Variants in DNAH14 observed in about 807,000 individuals in gnomAD.
DNAH14 encodes the protein dynein axonemal heavy chain 14.
In DNAH14, 478 loss-of-function variants were observed where a neutral mutation model predicts 520.9. The ratio of observed to expected loss-of-function variants is 0.92; its 90% CI spans 0.85 to 0.99. The LOEUF is 0.99. DNAH14 is among the 50% of genes least tolerant of loss of function. The pLI, the probability that DNAH14 is intolerant of heterozygous loss-of-function variation, is 0.00. For missense variants in DNAH14, 4,831 were observed against 5,234.5 expected, an observed-to-expected ratio of 0.92 and a Z score of 2.38; for synonymous variants, 1,581 against 1,757.2, an observed-to-expected ratio of 0.90 and a Z score of 2.51.
chr1:224,962,165 CCT>C (rs2060886139), intron 4 of DNAH14, among the ~76,000 whole-genome samples: 3 of 150,824 alleles, frequency 2.0e-5, no homozygotes, highest in Admixed American at 6.8e-5. Context: ...CTCCAGTATT[CCT>C]ACCCTCTGGT....
intron 68 of DNAH14, 138 bp from the exon 69 acceptor site, chr1:225,340,319 G>A: frequency 1.2e-6 from 1 of 852,398 alleles, no homozygotes; most frequent in African/African-American, 1.7e-5. Context: ...AATTGAAAGT[G>A]TACTTTGTAT....
chr1:225,016,005 T>C (rs2065189319), intron 10 of DNAH14, among the ~76,000 whole-genome samples: 1 of 152,210 alleles, frequency 6.6e-6, no homozygotes, highest in African/African-American at 2.4e-5. Flanking sequence ...ATGAATTTTT[T>C]GGCATGATGT....
At chr1:225,215,336 A>G (rs967603813) in intron 41 of DNAH14, among the ~76,000 whole-genome samples, 2 of 152,110 alleles carry the variant, frequency 1.3e-5, no homozygotes, top group Non-Finnish European at 1.5e-5. Flanking sequence ...ACTATGTGGT[A>G]AATTTTGGAA....
intron 1 of DNAH14, among the ~76,000 whole-genome samples, chr1:224,939,699 T>C (rs2059282930): frequency 6.6e-6 from 1 of 151,870 alleles, no homozygotes; most frequent in Non-Finnish European, 1.5e-5. Context: ...CAAAAAAAAC[T>C]AATCAAAAAA....
chr1:225,103,653 T>C (rs1221997792), intron 23 of DNAH14, among the ~76,000 whole-genome samples: 4 of 152,184 alleles, frequency 2.6e-5, no homozygotes, highest in South Asian at 2.1e-4. Flanking sequence ...TTTGAAGCAA[T>C]TGTGAATGGG....
In DNAH14 at chr1:225,288,279, T is replaced by G. The variant is rs575160592; in HGVS notation, c.8272-1606T>G. Among the ~76,000 whole-genome samples the G allele has an allele frequency of 1.1e-4, 17 of 152,188 alleles. No individual in the cohort carries two copies. The East Asian group carries it at 3.3e-3, about 29-fold the overall frequency. On this transcript the variant is annotated intron_variant, in intron 54 of 85. Coordinates refer to ENST00000682510, the MANE Select transcript of DNAH14 (RefSeq NM_001367479.1). ...GCAGGAAAATCCTAGTTAAGTGACATTCCATAAAATACCTGATCAGAACCC... is the reference window on the plus strand; with the variant it reads ...GCAGGAAAATCCTAGTTAAGTGACAGTCCATAAAATACCTGATCAGAACCC...
chr1:225,255,024 C>G (rs2092688902), intron 44 of DNAH14, among the ~76,000 whole-genome samples: 2 of 152,180 alleles, frequency 1.3e-5, no homozygotes, highest in African/African-American at 4.8e-5. Context: ...GCTCTCTCTT[C>G]TGGAATCCGT....
chr1:225,299,989 T>A (rs1000292573), intron 55 of DNAH14, among the ~76,000 whole-genome samples: 2 of 152,178 alleles, frequency 1.3e-5, no homozygotes, highest in African/African-American at 2.4e-5. Flanking sequence ...CCTACTTTTT[T>A]AAATGCTTTT....
At chr1:225,150,205 T>C (rs2080350239) in intron 31 of DNAH14, among the ~76,000 whole-genome samples, 1 of 152,238 alleles carries the variant, frequency 6.6e-6, no homozygotes, top group South Asian at 2.1e-4. Context: ...TTTATTGATT[T>C]GCATATATTG....
Position 225,322,797 on chromosome 1 carries a change from C to A in DNAH14, c.9469C>A (p.Leu3157Ile). ...TGGTTTCCTGAAAAAATTGATTAACCTTGACAAGGACAGCATACCTGATAA... is the reference window on the plus strand; with the variant it reads ...TGGTTTCCTGAAAAAATTGATTAACATTGACAAGGACAGCATACCTGATAA... The part of the protein sequence containing the change: ...ETGFLKKLIN[L>I]DKDSIPDKVF... The change falls in exon 62 of 86, where the codon CTT (leucine) becomes ATT (isoleucine). Residue 3157 changes from leucine to isoleucine, a missense_variant. Physicochemically the swap from Leu to Ile is conservative, Grantham distance 5. Transcript: ENST00000682510. The A allele has an allele frequency of 6.4e-7, 1 of 1,551,758 alleles. No homozygotes were observed. The highest frequency in any genetic ancestry group is 8.7e-7 in the Non-Finnish European group (1 of 1,146,890).
intron 17 of DNAH14, among the ~76,000 whole-genome samples, chr1:225,075,898 CT>C (rs1368104005): frequency 6.6e-6 from 1 of 152,036 alleles, no homozygotes; most frequent in Non-Finnish European, 1.5e-5. Context: ...TGGGAAAGCC[CT>C]TTACTAGTCA....
intron 1 of DNAH14, among the ~76,000 whole-genome samples, chr1:224,940,678 C>A (rs1309457616): frequency 2.6e-5 from 4 of 151,810 alleles, no homozygotes; most frequent in African/African-American, 7.3e-5. Flanking sequence ...CCCTTCCCCC[C>A]ACCCCACAAC....
At chr1:225,058,648 G>T (rs1023168849) in intron 17 of DNAH14, among the ~76,000 whole-genome samples, 11 of 152,106 alleles carry the variant, frequency 7.2e-5, no homozygotes, top group African/African-American at 2.7e-4. Context: ...GATCTTTCCT[G>T]CTTTCTCTTG....
At chr1:225,161,573 G>T (rs960878471) in intron 35 of DNAH14, among the ~76,000 whole-genome samples, 2 of 152,064 alleles carry the variant, frequency 1.3e-5, no homozygotes, top group Admixed American at 1.3e-4. Flanking sequence ...TTAGTTTTTT[G>T]ACCAACCTCC....
intron 21 of DNAH14, among the ~76,000 whole-genome samples, chr1:225,086,204 C>T (rs1223322316): frequency 6.6e-6 from 1 of 151,900 alleles, no homozygotes; most frequent in African/African-American, 2.4e-5. Context: ...GCTGTCTCGG[C>T]TCACTGCAAG....
chr1:225,389,254 T>C (rs769781514), intron 82 of DNAH14, among the ~76,000 whole-genome samples: 1 of 152,176 alleles, frequency 6.6e-6, no homozygotes, highest in Non-Finnish European at 1.5e-5. Context: ...ATTTTAGAGA[T>C]GAGGAAACTG....
At position 225,058,789 on chromosome 1, in the gene DNAH14, C is replaced by T. The variant is rs1323848711; in HGVS notation, c.2424+6994C>T. 2.6e-5 allele frequency among the ~76,000 whole-genome samples: 4 copies of T among 152,090 alleles called. No homozygotes were observed. The South Asian group carries it at 6.2e-4, about 24-fold the overall frequency. On this transcript the variant is annotated intron_variant, in intron 17 of 85. Transcript: ENST00000682510. Reference sequence around the variant, plus strand: ...ATTTCTGCCTTCATTTCGTTATGTACCCAGTAGTCATTCAGGAGCAGGTTG... The same window carrying T: ...ATTTCTGCCTTCATTTCGTTATGTATCCAGTAGTCATTCAGGAGCAGGTTG...
intron 74 of DNAH14, among the ~76,000 whole-genome samples, chr1:225,358,981 C>T (rs1020089977): frequency 1.3e-5 from 2 of 152,154 alleles, no homozygotes; most frequent in African/African-American, 4.8e-5. Context: ...TGCAGAACTG[C>T]GAGCGAATTA....
intron 55 of DNAH14, among the ~76,000 whole-genome samples, chr1:225,297,603 T>C (rs79514355): frequency 0.035 from 5,327 of 152,064 alleles, 130 homozygotes; most frequent in Non-Finnish European, 0.049. Context: ...AGTAGTGTAG[T>C]CTCCATGTAG....
Sources: gnomAD v4.1 joint callset for allele counts (sites outside exome capture counted in the v4.1 genomes callset) on GRCh38, gnomAD v4.1.1 for gene constraint, MANE v1.5 for transcripts, NCBI Gene and HGNC (gene_info 2026-07-23, HGNC 2026-07-21) for gene names.